Variants in TOX2 observed in about 807,000 individuals in gnomAD.
TOX2 encodes TOX high mobility group box family member 2, also known as granulosa cell HMG box 1.
Under a neutral mutation model 47.4 loss-of-function variants are expected in TOX2, and 15 were observed. That is an observed-to-expected ratio of 0.32 (90% CI 0.21 to 0.49). The LOEUF is 0.49. TOX2 is among the 20% of genes least tolerant of loss of function. The pLI is 0.99. For synonymous variants in TOX2, 290 were observed against 296.6 expected (o/e 0.98, Z 0.23); for missense variants, 622 against 673.1 (o/e 0.92, Z 0.84).
intron 2 of TOX2, among the ~76,000 whole-genome samples, chr20:43,987,834 C>T (rs1408486613): frequency 6.6e-6 from 1 of 151,714 alleles, no homozygotes; most frequent in Non-Finnish European, 1.5e-5. Flanking sequence ...CCCAGATCTG[C>T]TCAGCTCTGC....
intron 2 of TOX2, among the ~76,000 whole-genome samples, chr20:43,997,295 T>A (rs967875792): frequency 1.3e-5 from 2 of 152,140 alleles, no homozygotes; most frequent in Non-Finnish European, 2.9e-5. Context: ...CCTAACAACA[T>A]AGCTTTGAAA....
chr20:44,022,927 T>C (rs1001308089), intron 3 of TOX2, among the ~76,000 whole-genome samples: 1 of 151,472 alleles, frequency 6.6e-6, no homozygotes, highest in African/African-American at 2.4e-5. Flanking sequence ...TAGTTGTACA[T>C]TAGTTGGAGT....
chr20:44,014,393 G>C (rs1415755691), intron 3 of TOX2, among the ~76,000 whole-genome samples: 3 of 152,084 alleles, frequency 2.0e-5, no homozygotes, highest in African/African-American at 7.2e-5. Flanking sequence ...ATCATATGAG[G>C]GTGTGCACGC....
At chr20:44,059,585 GA>G (rs954007120) in intron 5 of TOX2, among the ~76,000 whole-genome samples, 2 of 151,776 alleles carry the variant, frequency 1.3e-5, no homozygotes, top group African/African-American at 4.8e-5. Context: ...TTTCTTAGCA[GA>G]AACCCTACAA....
chr20:43,984,142 A>G (rs1185274859), intron 2 of TOX2, among the ~76,000 whole-genome samples: 1 of 152,240 alleles, frequency 6.6e-6, no homozygotes. Flanking sequence ...AAGATTACAA[A>G]CAATCAAAGA....
At chr20:43,936,842 G>A (rs2069332425) in intron 1 of TOX2, among the ~76,000 whole-genome samples, 2 of 152,154 alleles carry the variant, frequency 1.3e-5, no homozygotes, top group Non-Finnish European at 2.9e-5. Context: ...GCAGCCTCAC[G>A]GTGCCAAGGG....
chr20:44,015,589 G>A (rs546904692), intron 3 of TOX2, among the ~76,000 whole-genome samples: 1 of 152,294 alleles, frequency 6.6e-6, no homozygotes, highest in East Asian at 1.9e-4. Flanking sequence ...AATAGCTTCG[G>A]CTAGAAAAAT....
intron 1 of TOX2, among the ~76,000 whole-genome samples, chr20:43,927,634 TCCTTCCTCCCCTTC>T (rs2069190319): frequency 7.7e-6 from 1 of 129,912 alleles, no homozygotes; most frequent in African/African-American, 3.1e-5. Flanking sequence ...CCTCCTTCCT[TCCTTCCTCCCCTTC>T]CCTTCCCTTC....
chr20:43,972,509 A>G (rs1389267377), intron 1 of TOX2, among the ~76,000 whole-genome samples: 3 of 152,198 alleles, frequency 2.0e-5, no homozygotes, highest in Non-Finnish European at 2.9e-5. Flanking sequence ...TACCTAGCTT[A>G]AGGGAAGGGA....
Position 44,066,037 on chromosome 20 carries a change from C to T in TOX2, c.1286C>T (p.Pro429Leu). ...GTTAGCATGTCCCCAGCCCCCCAGC[C>T]CCCTGTCCTGCCCACCCCCATGGCA... ...PPVSMSPAPQ[P>L]PVLPTPMALQ... Residue 429 changes from proline to leucine, a missense_variant, in exon 7 of 9, where the codon CCC (proline) becomes CTC (leucine). Transcript: ENST00000341197. 4 of 1,599,556 alleles carry T rather than the reference C, an allele frequency of 2.5e-6. No individual in the cohort carries two copies. Among genetic ancestry groups the T allele is most frequent in the East Asian group, 2.2e-5 (1 of 44,702 alleles).
At chr20:43,955,952 C>G (rs1228571716) in intron 1 of TOX2, among the ~76,000 whole-genome samples, 1 of 152,168 alleles carries the variant, frequency 6.6e-6, no homozygotes, top group Non-Finnish European at 1.5e-5. Flanking sequence ...CAGTGTGGCC[C>G]TTGAAGCTCC....
At position 44,006,758 on chromosome 20, in the gene TOX2, A is replaced by C; in HGVS notation, c.377A>C (p.Gln126Pro). 1.2e-6 allele frequency: 2 copies of C among 1,613,956 alleles called. No homozygotes were observed. The highest frequency in any genetic ancestry group is 4.5e-5 in the East Asian group (2 of 44,880). Residue 126 changes from glutamine (Q) to proline (P), a missense_variant, in exon 3 of 9, where the codon CAG (glutamine) becomes CCG (proline). Transcript: ENST00000341197. ...PAIMVSNMLA[Q>P]DSHLLSGQLP... Reference sequence around the variant, plus strand: ...ATCATGGTGTCCAACATGCTAGCACAGGACAGCCACCTGCTGTCGGGCCAG... The same window carrying C: ...ATCATGGTGTCCAACATGCTAGCACCGGACAGCCACCTGCTGTCGGGCCAG...
At chr20:43,978,446 A>G (rs1020548586) in intron 2 of TOX2, among the ~76,000 whole-genome samples, 2 of 152,008 alleles carry the variant, frequency 1.3e-5, no homozygotes, top group Non-Finnish European at 1.5e-5. Context: ...AACTAAGAGT[A>G]TGTAAAGAAC....
chr20:43,949,616 C>G (rs750852926), intron 1 of TOX2, among the ~76,000 whole-genome samples: 1 of 152,242 alleles, frequency 6.6e-6, no homozygotes, highest in Non-Finnish European at 1.5e-5. Flanking sequence ...ACTGACCAAG[C>G]TATTGTGCCT....
At chr20:44,033,435 C>T (rs1569117081) in intron 3 of TOX2, among the ~76,000 whole-genome samples, 1 of 152,050 alleles carries the variant, frequency 6.6e-6, no homozygotes, top group Non-Finnish European at 1.5e-5. Flanking sequence ...ATCCCTGGGG[C>T]CTGTAACTGT....
chr20:44,068,508 T>A, intron 8 of TOX2, 142 bp from the exon 9 acceptor site: 1 of 858,836 alleles, frequency 1.2e-6, no homozygotes, highest in African/African-American at 2.1e-5. Context: ...GGGTGGGACT[T>A]GCAGATGCAA....
intron 2 of TOX2, among the ~76,000 whole-genome samples, chr20:43,996,135 TGTAA>T (rs1170085048): frequency 2.0e-5 from 3 of 152,262 alleles, no homozygotes; most frequent in Non-Finnish European, 2.9e-5. Context: ...CTACCAACAG[TGTAA>T]GTGTTACCTT....
At chr20:43,985,775 G>A (rs1285978812) in intron 2 of TOX2, among the ~76,000 whole-genome samples, 1 of 152,186 alleles carries the variant, frequency 6.6e-6, no homozygotes, top group Non-Finnish European at 1.5e-5. Flanking sequence ...ATCTGCTTGC[G>A]AGGTAGCAGG....
chr20:43,977,390 C>T lies in TOX2; in HGVS notation c.165+3958C>T, dbSNP rs538357224. Among the ~76,000 whole-genome samples the T allele has an allele frequency of 9.2e-5, 14 of 152,146 alleles. No individual in the cohort carries two copies. The East Asian group carries it at 9.6e-4, about 10-fold the overall frequency. On this transcript the variant is annotated intron_variant, in intron 2 of 8. Coordinates refer to ENST00000341197, the MANE Select transcript of TOX2 (RefSeq NM_001098797.2). ...CCTCCCAAAGTGGTGGGATTACAGGCGTGAGTCACTATGTCTGGCCCAGAA... is the reference window on the plus strand; with the variant it reads ...CCTCCCAAAGTGGTGGGATTACAGGTGTGAGTCACTATGTCTGGCCCAGAA...
Sources: gnomAD v4.1 joint callset for allele counts (sites outside exome capture counted in the v4.1 genomes callset) on GRCh38, gnomAD v4.1.1 for gene constraint, MANE v1.5 for transcripts, NCBI Gene and HGNC (gene_info 2026-07-23, HGNC 2026-07-21) for gene names.